The following PTPRT variants were observed in gnomAD, a reference collection of about 807,000 sequenced individuals.
The protein encoded by PTPRT is protein tyrosine phosphatase receptor type T, also known as receptor-type tyrosine-protein phosphatase T.
A neutral mutation model predicts 176.8 loss-of-function variants in PTPRT; 56 were observed. That is an observed-to-expected ratio of 0.32 (90% CI 0.26 to 0.40). PTPRT has a LOEUF of 0.40. PTPRT is among the 10% of genes least tolerant of loss of function. PTPRT has a pLI of 1.00. For synonymous variants in PTPRT, 783 were observed against 739.0 expected (o/e 1.06, Z -0.96); for missense variants, 1,540 against 1,908.2 (o/e 0.81, Z 3.60).
intron 1 of PTPRT, among the ~76,000 whole-genome samples, chr20:42,944,596 G>A (rs766303114): frequency 7.2e-5 from 11 of 152,044 alleles, no homozygotes; most frequent in Non-Finnish European, 1.3e-4. Context: ...CAAGCCACAC[G>A]TTCTCCCAGC....
At chr20:42,914,404 T>C (rs1298935975) in intron 1 of PTPRT, among the ~76,000 whole-genome samples, 4 of 152,174 alleles carry the variant, frequency 2.6e-5, no homozygotes, top group Non-Finnish European at 2.9e-5. Flanking sequence ...GAATGACTCA[T>C]CAAAGCAATC....
chr20:42,384,151 G>A (rs7262238), intron 9 of PTPRT, among the ~76,000 whole-genome samples: 12,672 of 152,258 alleles, frequency 0.083, 667 homozygotes, highest in African/African-American at 0.13. Flanking sequence ...AAATGCATAT[G>A]GACCATGCAC....
chr20:42,779,852 T>G (rs867243376), intron 4 of PTPRT, among the ~76,000 whole-genome samples: 23 of 149,888 alleles, frequency 1.5e-4, no homozygotes, highest in Non-Finnish European at 3.3e-4. Context: ...GTGGTGTGTT[T>G]TTTTTTTTTT....
chr20:42,530,573 G>A (rs1568954055), intron 7 of PTPRT, among the ~76,000 whole-genome samples: 1 of 152,234 alleles, frequency 6.6e-6, no homozygotes, highest in Non-Finnish European at 1.5e-5. Flanking sequence ...GAGTTAATCA[G>A]ATCCATGTGG....
chr20:42,865,207 T>C (rs2078726063), intron 2 of PTPRT, among the ~76,000 whole-genome samples: 1 of 152,206 alleles, frequency 6.6e-6, no homozygotes, highest in African/African-American at 2.4e-5. Flanking sequence ...CTGGGAGTAT[T>C]ACCTAATCAG....
chr20:42,039,692 G>GTGTATA, the PTPRT span, among the ~76,000 whole-genome samples: 3 of 113,206 alleles, frequency 2.7e-5, no homozygotes, highest in African/African-American at 9.2e-5. Flanking sequence ...ATTCTGTTGT[G>GTGTATA]TATATATATA....
At chr20:42,166,165 A>G (rs568564360) in intron 16 of PTPRT, among the ~76,000 whole-genome samples, 1 of 152,324 alleles carries the variant, frequency 6.6e-6, no homozygotes, top group East Asian at 1.9e-4. Context: ...GTGCACACAG[A>G]CTTATCCAGA....
intron 22 of PTPRT, among the ~76,000 whole-genome samples, chr20:42,111,589 TAACA>T (rs71705583): frequency 0.23 from 35,473 of 151,984 alleles, 4,201 homozygotes; most frequent in African/African-American, 0.29. Flanking sequence ...AAATAATAAC[TAACA>T]AACATTAACT....
intron 9 of PTPRT, among the ~76,000 whole-genome samples, chr20:42,405,588 A>G (rs186176331): frequency 6.6e-6 from 1 of 152,192 alleles, no homozygotes; most frequent in Non-Finnish European, 1.5e-5. Context: ...AATCCAGTCT[A>G]TCATTGATGG....
chr20:43,102,283 A>AC (rs1600714707), intron 1 of PTPRT, among the ~76,000 whole-genome samples: 2 of 74,188 alleles, frequency 2.7e-5, no homozygotes, highest in South Asian at 7.5e-4. Context: ...TCACTCACAC[A>AC]TCACACACAC....
intron 6 of PTPRT, among the ~76,000 whole-genome samples, chr20:42,678,389 C>G (rs528924170): frequency 2.9e-4 from 44 of 152,272 alleles, no homozygotes; most frequent in African/African-American, 9.6e-4. Flanking sequence ...CAACCTCTGC[C>G]TCCCTGGTTC....
intron 7 of PTPRT, among the ~76,000 whole-genome samples, chr20:42,507,245 C>A (rs2071863368): frequency 6.6e-6 from 1 of 152,142 alleles, no homozygotes; most frequent in Non-Finnish European, 1.5e-5. Flanking sequence ...ATCTGTCACA[C>A]AAACCAGTGT....
chr20:42,984,937 G>A (rs190765277), intron 1 of PTPRT, among the ~76,000 whole-genome samples: 105 of 152,326 alleles, frequency 6.9e-4, no homozygotes, highest in Admixed American at 1.2e-3. Flanking sequence ...GGCTTAGGAA[G>A]TTTTAGGTGG....
intron 29 of PTPRT, among the ~76,000 whole-genome samples, chr20:42,084,038 C>A (rs924452537): frequency 6.6e-6 from 1 of 152,230 alleles, no homozygotes; most frequent in South Asian, 2.1e-4. Context: ...CTATTTCATG[C>A]CAAAGCACTA....
chr20:42,553,013 G>T (rs1450670569), intron 7 of PTPRT, among the ~76,000 whole-genome samples: 1 of 152,108 alleles, frequency 6.6e-6, no homozygotes, highest in East Asian at 1.9e-4. Context: ...GCCCTTTTTA[G>T]TCTATATCTC....
chr20:43,096,359 C>T (rs1185220889), intron 1 of PTPRT, among the ~76,000 whole-genome samples: 1 of 152,198 alleles, frequency 6.6e-6, no homozygotes, highest in Non-Finnish European at 1.5e-5. Context: ...CTCACAGGCT[C>T]CTTTCTTAGG....
At chr20:42,110,522 C>T (rs1275237073) in intron 22 of PTPRT, 35 bp from the exon 23 acceptor site, 2 of 1,556,964 alleles carry the variant, frequency 1.3e-6, no homozygotes, top group South Asian at 2.4e-5. Flanking sequence ...CTTCCAGCTG[C>T]TGCCCTCGCA....
intron 7 of PTPRT, among the ~76,000 whole-genome samples, chr20:42,665,948 T>TG (rs1231814176): frequency 2.0e-5 from 1 of 50,994 alleles, no homozygotes; most frequent in East Asian, 6.6e-4. Flanking sequence ...TGTTGTGGGG[T>TG]GGGGGGAGGG....
chr20:42,420,624 C>A (rs561294214), intron 9 of PTPRT, among the ~76,000 whole-genome samples: 7 of 152,332 alleles, frequency 4.6e-5, no homozygotes, highest in African/African-American at 1.7e-4. Flanking sequence ...CACATACTCA[C>A]TTGGTTACTG....
Sources: allele counts gnomAD v4.1 joint callset (sites outside exome capture counted in the v4.1 genomes callset), GRCh38; gene constraint gnomAD v4.1.1; transcripts MANE v1.5; gene names NCBI Gene and HGNC (gene_info 2026-07-23, HGNC 2026-07-21).